Variants in NCOR2 observed in about 807,000 individuals in gnomAD.
NCOR2 encodes nuclear receptor corepressor 2, also known as CTG repeat protein 26.
Under a neutral mutation model 262.9 loss-of-function variants are expected in NCOR2, and 81 were observed. The ratio of observed to expected loss-of-function variants is 0.31; its 90% CI spans 0.26 to 0.37. The LOEUF is 0.37. NCOR2 is among the 10% of genes least tolerant of loss of function. The pLI is 1.00. For missense variants in NCOR2, 3,385 were observed against 3,621.4 expected (o/e 0.93, Z 1.68); for synonymous variants, 1,659 against 1,559.3 (o/e 1.06, Z -1.51).
At chr12:124,343,605 G>A (rs994134982) in intron 32 of NCOR2, among the ~76,000 whole-genome samples, 7 of 145,840 alleles carry the variant, frequency 4.8e-5, no homozygotes, top group African/African-American at 1.8e-4. Context: ...AGTGAAACAC[G>A]CTCAGAAGAA....
intron 1 of NCOR2, among the ~76,000 whole-genome samples, chr12:124,510,830 C>A (rs2049355035): frequency 1.3e-5 from 2 of 152,194 alleles, no homozygotes; most frequent in Admixed American, 1.3e-4. Flanking sequence ...CTGCTGCACA[C>A]TGTCCACCCC....
At chr12:124,376,750 G>A (rs767669152) in intron 18 of NCOR2, among the ~76,000 whole-genome samples, 2 of 152,344 alleles carry the variant, frequency 1.3e-5, no homozygotes, top group East Asian at 1.9e-4. Flanking sequence ...GAACCAGGAG[G>A]TGACTTGCAC....
chr12:124,438,948 GAGAGACCCAGAGACAGAGGGAGAC>G (rs2044600693), intron 7 of NCOR2, among the ~76,000 whole-genome samples: 2 of 2,422 alleles, frequency 8.3e-4, no homozygotes, highest in African/African-American at 2.0e-3. Flanking sequence ...CAGAGGGAGA[GAGAGACCCAGAGACAGAGGGAGAC>G]AGAGACCCAG....
intron 13 of NCOR2, among the ~76,000 whole-genome samples, chr12:124,414,784 G>T (rs2042770104): frequency 6.6e-6 from 1 of 152,192 alleles, no homozygotes; most frequent in Non-Finnish European, 1.5e-5. Context: ...TCTTCCCGTG[G>T]TGCCTGGGGA....
chr12:124,458,397 A>G (rs2045991010), intron 5 of NCOR2, among the ~76,000 whole-genome samples: 1 of 152,192 alleles, frequency 6.6e-6, no homozygotes, highest in Admixed American at 6.5e-5. Flanking sequence ...AGGTGGGCTC[A>G]AGCTGGAACC....
Position 124,402,545 on chromosome 12 carries a change from TGC to T in NCOR2, c.1497_1498del (p.Gln500AlafsTer22). 1 of 1,569,686 alleles carries T rather than the reference TGC, an allele frequency of 6.4e-7. No homozygotes were observed. ...CTGCTGCTGCTGCTGCTGCTGCTGCTGCTGTTGTTGCTGCTGCTGTCAGACCC... is the reference window on the plus strand; with the variant it reads ...CTGCTGCTGCTGCTGCTGCTGCTGCTTGTTGTTGCTGCTGCTGTCAGACCC... On this transcript the variant is annotated frameshift_variant, in exon 14 of 47. Transcript: ENST00000405201. LOFTEE classifies it high-confidence loss of function.
chr12:124,359,401 A>T (rs1370407385), intron 22 of NCOR2, among the ~76,000 whole-genome samples: 1 of 152,252 alleles, frequency 6.6e-6, no homozygotes, highest in Non-Finnish European at 1.5e-5. Flanking sequence ...TGAGCAGAGC[A>T]GGTGGGCAAG....
At chr12:124,398,292 T>C in intron 15 of NCOR2, 111 bp from the exon 18 acceptor site, 1 of 1,184,914 alleles carries the variant, frequency 8.4e-7, no homozygotes, top group South Asian at 1.2e-5. Flanking sequence ...CTTGACGGTG[T>C]CACCGCACGG....
intron 19 of NCOR2, 54 bp from the exon 22 acceptor site, chr12:124,372,664 A>G: frequency 6.7e-7 from 1 of 1,485,680 alleles, no homozygotes; most frequent in South Asian, 1.2e-5. Context: ...GGGCCTCCAG[A>G]AGAGATGCAT....
chr12:124,420,207 TC>T, intron 12 of NCOR2, 152 bp from the exon 15 acceptor site: 1 of 604,646 alleles, frequency 1.7e-6, no homozygotes, highest in Non-Finnish European at 2.9e-6. Context: ...GTCTCAGTTT[TC>T]TCATCTGTAA....
Position 124,334,286 on chromosome 12 carries a change from G to A in NCOR2, c.6605+138C>T. The A allele has an allele frequency of 1.9e-5, 11 of 586,806 alleles. 1 individual carries two copies. In the South Asian group the frequency reaches 2.2e-4, roughly 12 times the overall value. The allele number at this position is 586,806 out of a possible 1,614,324, so 36.3% of individuals were successfully genotyped here. A position where few individuals can be genotyped will look rare whatever the true frequency, so the allele number is the denominator to read the frequency against. On this transcript the variant is annotated intron_variant, in intron 41 of 46. Coordinates refer to ENST00000405201, the Ensembl canonical transcript of NCOR2. ...CGCTCTGTGACTCCCCCATCTCCTG[G>A]AGCCTCCATTTCTTGCCTGTGCAAT...
chr12:124,446,818 G>A (rs1031139293), intron 7 of NCOR2, among the ~76,000 whole-genome samples: 3 of 152,184 alleles, frequency 2.0e-5, no homozygotes, highest in African/African-American at 7.2e-5. Context: ...GGACAAATCA[G>A]TTCCAACAAT....
chr12:124,348,187 TGAG>T (rs1228463283), exon 29 of NCOR2: 3 of 1,611,406 alleles, frequency 1.9e-6, no homozygotes, highest in East Asian at 2.2e-5. Flanking sequence ...CGATGCTGGC[TGAG>T]GAGATGGCTC....
At chr12:124,496,970 G>C (rs969276655), upstream of NCOR2, among the ~76,000 whole-genome samples, 1 of 152,180 alleles carries the variant, frequency 6.6e-6, no homozygotes, top group Non-Finnish European at 1.5e-5. This position sits in a 1 kb window ranked among gnomAD's most constrained non-coding sequence, Gnocchi z 4.4. Context: ...GCCTGCCTGA[G>C]ACCCACGCCC....
intron 16 of NCOR2, 85 bp from the exon 19 acceptor site, chr12:124,385,972 G>T: frequency 6.7e-7 from 1 of 1,501,900 alleles, no homozygotes; most frequent in East Asian, 2.3e-5. Flanking sequence ...CGGCAAACGG[G>T]CCTGGAGCAG....
chr12:124,328,919 G>A (rs948992190), intron 44 of NCOR2: 1 of 307,252 alleles, frequency 3.3e-6, no homozygotes, highest in African/African-American at 2.2e-5. Flanking sequence ...TGCTGTCTTG[G>A]CCACATTTCT....
rs1055795218 is a variant in NCOR2 at position 124,483,832 on chromosome 12, G to T, written c.234-59C>A. 4 of 1,472,470 alleles carry T rather than the reference G, an allele frequency of 2.7e-6. No homozygotes were observed. The South Asian group carries it at 5.5e-5, about 20-fold the overall frequency. The allele number at this position is 1,472,470 out of a possible 1,614,324, so 91.2% of individuals were successfully genotyped here. On this transcript the variant is annotated intron_variant, in intron 2 of 46. Coordinates refer to ENST00000405201, the Ensembl canonical transcript of NCOR2. This position sits in a 1 kb window ranked among gnomAD's most constrained non-coding sequence, Gnocchi z 6.3. ...AGATTGCGGCTCTGAGAACTCCCGA[G>T]GCCCCGACCACCCTCTGCGCCGAGC...
chr12:124,393,727 G>A (rs1009922500), intron 16 of NCOR2, among the ~76,000 whole-genome samples: 1 of 152,236 alleles, frequency 6.6e-6, no homozygotes, highest in African/African-American at 2.4e-5. Flanking sequence ...TGTGACCCTA[G>A]GCTGCTCACT....
Position 124,483,621 on chromosome 12 carries a change from G to A in NCOR2, c.386C>T (p.Pro129Leu). ...CTTGGTGAGGTCTTCAGATCCCGCAGGCTGGCCCGTGGCCAGCAGGGGTGA... is the reference window on the plus strand; with the variant it reads ...CTTGGTGAGGTCTTCAGATCCCGCAAGCTGGCCCGTGGCCAGCAGGGGTGA... The change falls in exon 3 of 47, where the codon CCT (proline) becomes CTT (leucine). Residue 129 changes from proline to leucine, a missense_variant. Coordinates refer to ENST00000405201, the Ensembl canonical transcript of NCOR2. This position sits in a 1 kb window ranked among gnomAD's most constrained non-coding sequence, Gnocchi z 6.3. 12 of 1,606,964 alleles carry A rather than the reference G, an allele frequency of 7.5e-6. No individual in the cohort carries two copies. The highest frequency in any genetic ancestry group is 1.0e-5 in the Non-Finnish European group (12 of 1,176,772).
Sources: gnomAD v4.1 joint callset for allele counts (sites outside exome capture counted in the v4.1 genomes callset) on GRCh38, gnomAD v4.1.1 for gene constraint, Gnocchi (gnomAD v3.1) non-coding constraint, MANE v1.5 for transcripts, NCBI Gene and HGNC (gene_info 2026-07-23, HGNC 2026-07-21) for gene names.